COMMD10: variants seen among roughly 807,000 people sequenced by gnomAD.
COMMD10 encodes COMM domain-containing protein 10.
In COMMD10, 33 loss-of-function variants were observed where a neutral mutation model predicts 28.9. The ratio of observed to expected loss-of-function variants is 1.14; its 90% CI spans 0.87 to 1.53. The LOEUF (loss-of-function observed/expected upper bound fraction) is 1.53, where lower values mean the gene tolerates loss of function less well. COMMD10 is among the 40% of genes most tolerant of loss of function. The pLI, the probability that COMMD10 is intolerant of heterozygous loss-of-function variation, is 0.00. For missense variants in COMMD10, 310 were observed against 233.4 expected, an observed-to-expected ratio of 1.33 and a Z score of -2.14; for synonymous variants, 110 against 81.7, an observed-to-expected ratio of 1.35 and a Z score of -1.87.
chr5:116,158,673 A>T (rs1336030118), intron 5 of COMMD10, among the ~76,000 whole-genome samples: 1 of 151,848 alleles, frequency 6.6e-6, no homozygotes, highest in Non-Finnish European at 1.5e-5. Context: ...ATTTTAAATT[A>T]TGTTTTCTTA....
chr5:116,152,191 T>C (rs1177007389), intron 5 of COMMD10, among the ~76,000 whole-genome samples: 2 of 152,182 alleles, frequency 1.3e-5, no homozygotes, highest in Non-Finnish European at 2.9e-5. Flanking sequence ...TAATCCTGAG[T>C]TCTAGTTTGA....
chr5:116,243,790 A>C (rs545515717), intron 5 of COMMD10, among the ~76,000 whole-genome samples: 1 of 152,208 alleles, frequency 6.6e-6, no homozygotes, highest in Non-Finnish European at 1.5e-5. Context: ...AAAAGCTGGC[A>C]AAACCATCTT....
chr5:116,284,701 G>C (rs1417381829), intron 5 of COMMD10, among the ~76,000 whole-genome samples: 2 of 151,868 alleles, frequency 1.3e-5, no homozygotes, highest in African/African-American at 4.9e-5. Flanking sequence ...TGTTAGAGTT[G>C]CTACTGATAA....
intron 5 of COMMD10, among the ~76,000 whole-genome samples, chr5:116,254,102 T>A (rs1750206014): frequency 6.6e-6 from 1 of 152,100 alleles, no homozygotes; most frequent in Non-Finnish European, 1.5e-5. Flanking sequence ...TTTGTAGTAT[T>A]CTCTGATGGT....
chr5:116,290,984 T>C (rs1751345152), intron 5 of COMMD10, among the ~76,000 whole-genome samples: 1 of 152,154 alleles, frequency 6.6e-6, no homozygotes, highest in African/African-American at 2.4e-5. Context: ...AGTCCTGACT[T>C]TGAAACTGTT....
chr5:116,090,505 G>A (rs533758997), intron 2 of COMMD10, among the ~76,000 whole-genome samples: 2 of 152,322 alleles, frequency 1.3e-5, no homozygotes, highest in African/African-American at 4.8e-5. Flanking sequence ...AAAAACTCAT[G>A]TACTTGGCTC....
Position 116,287,994 on chromosome 5 carries a change from C to G in COMMD10, c.511-3523C>G, listed in dbSNP as rs146680613. 3.6e-4 allele frequency among the ~76,000 whole-genome samples: 54 copies of G among 151,620 alleles called. 1 individual carries two copies. Among genetic ancestry groups the G allele is most frequent in the African/African-American group, 1.2e-3 (48 of 41,156 alleles). The stretch of plus-strand genomic sequence containing the variant: ...ACTAAATTTACAGTATTACGTATTA[C>G]TATATTTTTCCATGTATTTACCTTT... On this transcript the variant is annotated intron_variant, in intron 5 of 6. Transcript: ENST00000274458.
intron 5 of COMMD10, among the ~76,000 whole-genome samples, chr5:116,216,565 C>T (rs1749106030): frequency 3.9e-5 from 6 of 152,184 alleles, no homozygotes; most frequent in Admixed American, 3.9e-4. Context: ...CGGAGTCTTG[C>T]TCTGTCACCA....
intron 5 of COMMD10, among the ~76,000 whole-genome samples, chr5:116,258,775 G>A (rs1022851022): frequency 5.3e-5 from 8 of 151,288 alleles, no homozygotes; most frequent in African/African-American, 9.8e-5. Flanking sequence ...TTGATACTAC[G>A]CTAGGATGCC....
At chr5:116,216,141 T>G (rs1179824442) in intron 5 of COMMD10, among the ~76,000 whole-genome samples, 1 of 152,178 alleles carries the variant, frequency 6.6e-6, no homozygotes, top group Non-Finnish European at 1.5e-5. Flanking sequence ...AACCCCAGTA[T>G]CCAATATTTT....
At chr5:116,152,704 A>C (rs558644457) in intron 5 of COMMD10, among the ~76,000 whole-genome samples, 24 of 152,152 alleles carry the variant, frequency 1.6e-4, no homozygotes, top group African/African-American at 5.5e-4. Context: ...AGAAACCAGA[A>C]GTTTTTCTCC....
At chr5:116,162,150 G>C (rs1189751972) in intron 5 of COMMD10, among the ~76,000 whole-genome samples, 1 of 152,136 alleles carries the variant, frequency 6.6e-6, no homozygotes, top group Admixed American at 6.5e-5. Context: ...TTAAATTTGT[G>C]AAATCTTTTT....
intron 5 of COMMD10, among the ~76,000 whole-genome samples, chr5:116,218,899 C>T (rs1311952510): frequency 6.6e-6 from 1 of 152,084 alleles, no homozygotes; most frequent in Non-Finnish European, 1.5e-5. Context: ...AATTGTGCTT[C>T]CTCAAAATTT....
rs559200269 is a variant in COMMD10 at position 116,135,536 on chromosome 5, A to G, written c.510+1358A>G. On this transcript the variant is annotated intron_variant, in intron 5 of 6. Coordinates refer to ENST00000274458, the MANE Select transcript of COMMD10 (RefSeq NM_016144.4). The stretch of plus-strand genomic sequence containing the variant: ...AGAGTATGTCTGGTGGTTTCCCTTT[A>G]TGTGCAGTTTCACTTTCCATAGTTT... Among the ~76,000 whole-genome samples, 4 of 152,260 alleles carry G rather than the reference A, an allele frequency of 2.6e-5. No homozygotes were observed. The South Asian group carries it at 8.3e-4, about 32-fold the overall frequency.
intron 5 of COMMD10, among the ~76,000 whole-genome samples, chr5:116,224,338 G>C (rs751052759): frequency 9.2e-5 from 14 of 152,146 alleles, no homozygotes; most frequent in Non-Finnish European, 2.9e-5. Flanking sequence ...ACAGTTCCCA[G>C]CCATTGCCTA....
intron 4 of COMMD10, among the ~76,000 whole-genome samples, chr5:116,125,679 A>T (rs1217964616): frequency 1.3e-5 from 2 of 152,076 alleles, no homozygotes; most frequent in East Asian, 1.9e-4. Context: ...TGTCACTTTC[A>T]GGTGCACCAA....
chr5:116,142,490 A>G (rs767005969), intron 5 of COMMD10, among the ~76,000 whole-genome samples: 5 of 151,828 alleles, frequency 3.3e-5, no homozygotes, highest in Non-Finnish European at 5.9e-5. Flanking sequence ...AAACCAAAAT[A>G]AAACAAAACA....
At chr5:116,170,979 G>C (rs1753309477) in intron 5 of COMMD10, among the ~76,000 whole-genome samples, 1 of 152,118 alleles carries the variant, frequency 6.6e-6, no homozygotes, top group Admixed American at 6.5e-5. Context: ...GGCCAAAATT[G>C]ACAAATGGGA....
intron 5 of COMMD10, among the ~76,000 whole-genome samples, chr5:116,240,227 G>A (rs1028300083): frequency 4.0e-5 from 6 of 151,578 alleles, no homozygotes; most frequent in Non-Finnish European, 7.4e-5. Flanking sequence ...AATGGAAGAC[G>A]TAACAAAAAA....
Sources: gnomAD v4.1 joint callset for allele counts (sites outside exome capture counted in the v4.1 genomes callset) on GRCh38, gnomAD v4.1.1 for gene constraint, MANE v1.5 for transcripts, NCBI Gene and HGNC (gene_info 2026-07-23, HGNC 2026-07-21) for gene names.